Variants in SYTL5 observed in about 807,000 individuals in gnomAD.
SYTL5 encodes the protein synaptotagmin like 5.
In SYTL5, 34 loss-of-function variants were observed where a neutral mutation model predicts 55.9. That is an observed-to-expected ratio of 0.61 (90% CI 0.46 to 0.81). The LOEUF is 0.81. Among genes scored for constraint, SYTL5 ranks in the 30% least tolerant of loss-of-function variants. SYTL5 has a pLI of 0.00. For missense variants in SYTL5, 637 were observed against 546.7 expected, an observed-to-expected ratio of 1.17 and a Z score of -1.65; for synonymous variants, 221 against 188.7, an observed-to-expected ratio of 1.17 and a Z score of -1.40.
the SYTL5 span, among the ~76,000 whole-genome samples, chrX:37,942,801 C>A: frequency 8.9e-6 from 1 of 111,772 alleles, no homozygotes; most frequent in African/African-American, 3.3e-5. Flanking sequence ...TATCATGCCA[C>A]CATGTTCTCA....
At chrX:38,031,125 C>A (rs1934940381) in intron 1 of SYTL5, among the ~76,000 whole-genome samples, 1 of 110,940 alleles carries the variant, frequency 9.0e-6, no homozygotes, top group African/African-American at 3.3e-5. Flanking sequence ...CACAGAAAGA[C>A]AAATTTATAA....
chrX:37,990,918 G>A, the SYTL5 span: 1 of 1,211,665 alleles, frequency 8.3e-7, no homozygotes, highest in Admixed American at 2.2e-5. Flanking sequence ...TGAGCTACAG[G>A]TCCCTAGGAG....
At chrX:38,048,737 A>G (rs1169418501) in intron 2 of SYTL5, among the ~76,000 whole-genome samples, 20 of 110,803 alleles carry the variant, frequency 1.8e-4, no homozygotes, top group African/African-American at 5.9e-4. Flanking sequence ...CCAAATGATT[A>G]TCTCCCACCA....
At chrX:37,958,208 C>CAA in the SYTL5 span, among the ~76,000 whole-genome samples, 1,552 of 67,901 alleles carry the variant, frequency 0.023, 12 homozygotes, top group Middle Eastern at 0.066. Flanking sequence ...GACTCCATCT[C>CAA]AAAAAAAAAA....
chrX:38,045,095 A>T (rs1602338326), intron 2 of SYTL5, among the ~76,000 whole-genome samples: 1 of 111,960 alleles, frequency 8.9e-6, no homozygotes, highest in Admixed American at 9.5e-5. Flanking sequence ...TTAAAGAGAA[A>T]CCATAAACTA....
intron 6 of SYTL5, 107 bp downstream of exon 6, chrX:38,076,808 C>A: frequency 1.2e-6 from 1 of 814,346 alleles, no homozygotes; most frequent in Non-Finnish European, 1.8e-6. Flanking sequence ...ACTTGGAGAA[C>A]TCCTAACACA....
chrX:38,040,267 GAAAC>G, intron 2 of SYTL5, among the ~76,000 whole-genome samples: 2 of 111,392 alleles, frequency 1.8e-5, no homozygotes, highest in Admixed American at 1.9e-4. Flanking sequence ...CATGCCATGT[GAAAC>G]AAACACATCA....
chrX:38,003,026 T>G (rs149223089), upstream of SYTL5, among the ~76,000 whole-genome samples: 1 of 111,426 alleles, frequency 9.0e-6, no homozygotes, highest in African/African-American at 3.3e-5. Context: ...CTTTAATCCA[T>G]CTTGAATTAA....
intron 6 of SYTL5, among the ~76,000 whole-genome samples, chrX:38,083,617 A>G (rs754756560): frequency 6.3e-5 from 7 of 110,736 alleles, no homozygotes; most frequent in African/African-American, 2.0e-4. Context: ...AGGAATTTCC[A>G]TGTCTTTCTC....
intron 3 of SYTL5, among the ~76,000 whole-genome samples, chrX:38,054,829 A>C (rs1271989544): frequency 9.1e-6 from 1 of 110,284 alleles, no homozygotes; most frequent in Non-Finnish European, 1.9e-5. Flanking sequence ...TCCTGGGCTC[A>C]AGTGATCCAC....
chrX:38,008,757 A>G (rs1172886548), intron 1 of SYTL5, among the ~76,000 whole-genome samples: 1 of 112,215 alleles, frequency 8.9e-6, no homozygotes, highest in Non-Finnish European at 1.9e-5. Context: ...CACTTTATTG[A>G]CACTGTACTT....
intron 8 of SYTL5, among the ~76,000 whole-genome samples, chrX:38,094,644 T>C (rs1188038429): frequency 8.9e-6 from 1 of 111,854 alleles, no homozygotes; most frequent in Non-Finnish European, 1.9e-5. Flanking sequence ...ATTTAGTACA[T>C]ACTCTTGCCA....
the SYTL5 span, among the ~76,000 whole-genome samples, chrX:37,890,810 A>G: frequency 8.9e-6 from 1 of 112,174 alleles, no homozygotes; most frequent in Non-Finnish European, 1.9e-5. Context: ...AACATAACCA[A>G]TTATTAGGAA....
the SYTL5 span, among the ~76,000 whole-genome samples, chrX:37,973,033 G>T: frequency 8.9e-6 from 1 of 111,930 alleles, no homozygotes; most frequent in Non-Finnish European, 1.9e-5. Context: ...CTCCTGGATC[G>T]AGAAAGAAAG....
the SYTL5 span, among the ~76,000 whole-genome samples, chrX:37,952,896 T>G: frequency 9.0e-6 from 1 of 110,876 alleles, no homozygotes; most frequent in Non-Finnish European, 1.9e-5. Context: ...GAAAGAAGGA[T>G]AGTGGGTTCA....
chrX:37,898,607 T>G, the SYTL5 span, among the ~76,000 whole-genome samples: 1 of 112,477 alleles, frequency 8.9e-6, no homozygotes, highest in Non-Finnish European at 1.9e-5. Context: ...TCTAGTTCTT[T>G]AATATAGTCC....
At chrX:37,924,396 C>T in the SYTL5 span, among the ~76,000 whole-genome samples, 2 of 111,638 alleles carry the variant, frequency 1.8e-5, no homozygotes, top group Admixed American at 1.9e-4. Context: ...AATGAGATAA[C>T]ATATATAGTA....
At chrX:38,081,008 T>C (rs895014638) in intron 6 of SYTL5, among the ~76,000 whole-genome samples, 2 of 112,156 alleles carry the variant, frequency 1.8e-5, no homozygotes, top group Non-Finnish European at 3.8e-5. Context: ...CTTAAAAAAA[T>C]GTTCAAATGT....
chrX:37,970,748 G>C, the SYTL5 span, among the ~76,000 whole-genome samples: 1 of 111,805 alleles, frequency 8.9e-6, no homozygotes, highest in East Asian at 2.8e-4. Flanking sequence ...TAAAACTTAT[G>C]GTTAGTTTTA....
Sources: gnomAD v4.1 joint callset for allele counts (sites outside exome capture counted in the v4.1 genomes callset) on GRCh38, gnomAD v4.1.1 for gene constraint, MANE v1.5 for transcripts, NCBI Gene and HGNC (gene_info 2026-07-23, HGNC 2026-07-21) for gene names.